Variants in VIT observed in about 807,000 individuals in gnomAD.
The protein encoded by VIT is vitrin.
In VIT, 99 loss-of-function variants were observed where a neutral mutation model predicts 78.0. The ratio of observed to expected loss-of-function variants is 1.27; its 90% confidence interval spans 1.08 to 1.50. The LOEUF is 1.50. Ranked by LOEUF, VIT falls within the 40% of genes most tolerant of loss-of-function variation. The pLI, the probability that VIT is intolerant of heterozygous loss-of-function variation, is 0.00. For synonymous variants in VIT, 374 were observed against 334.3 expected (o/e 1.12, Z -1.29); for missense variants, 1,126 against 875.3 (o/e 1.29, Z -3.61).
intron 2 of VIT, among the ~76,000 whole-genome samples, chr2:36,725,261 C>G (rs1393272583): frequency 1.3e-5 from 2 of 152,162 alleles, no homozygotes; most frequent in Non-Finnish European, 2.9e-5. Flanking sequence ...TAGCTAGTGT[C>G]TTAGTTCATG....
Position 36,760,965 on chromosome 2 carries a change from C to G in VIT, c.487+1919C>G, listed in dbSNP as rs114692152. On this transcript the variant is annotated intron_variant, in intron 6 of 15. Coordinates refer to ENST00000379242, the MANE Select transcript of VIT (RefSeq NM_053276.4). The stretch of plus-strand genomic sequence containing the variant: ...CCACTCCAGCTGCACCCCTCCCCCT[C>G]TCAGAGATCCCTAGGGCAGAAACAG... Among the ~76,000 whole-genome samples the G allele has an allele frequency of 2.6e-3, 400 of 152,226 alleles. 4 individuals are homozygous for G. The highest frequency in any genetic ancestry group is 9.2e-3 in the African/African-American group (381 of 41,532).
intron 3 of VIT, 21 bp downstream of exon 3, chr2:36,729,512 TTGC>T: frequency 1.2e-6 from 2 of 1,602,618 alleles, no homozygotes; most frequent in South Asian, 2.3e-5. Flanking sequence ...TCACAATTCC[TTGC>T]TGGCATAATG....
chr2:36,769,494 GC>G (rs1271713091), intron 7 of VIT, among the ~76,000 whole-genome samples: 1 of 152,158 alleles, frequency 6.6e-6, no homozygotes, highest in Non-Finnish European at 1.5e-5. Flanking sequence ...TCCACAGACT[GC>G]TAGACAAACG....
intron 9 of VIT, among the ~76,000 whole-genome samples, chr2:36,780,027 C>T (rs1664634299): frequency 6.6e-6 from 1 of 152,188 alleles, no homozygotes; most frequent in Non-Finnish European, 1.5e-5. Flanking sequence ...CCACCCTGTT[C>T]CTCCTTGACG....
intron 12 of VIT, among the ~76,000 whole-genome samples, chr2:36,800,252 A>G (rs10198181): frequency 0.76 from 114,851 of 151,924 alleles, 43,668 homozygotes; most frequent in East Asian, 0.99. Context: ...GGTTGAGGCA[A>G]GAGAATTGCT....
In VIT at chr2:36,743,276, T is replaced by A. The variant is rs1290690446; in HGVS notation, c.275+20T>A. 6.4e-7 allele frequency: 1 copy of A among 1,569,492 alleles called. No homozygotes were observed. The highest frequency in any genetic ancestry group is 1.3e-5 in the African/African-American group (1 of 74,306). On this transcript the variant is annotated intron_variant, in intron 4 of 15. Coordinates refer to ENST00000379242, the MANE Select transcript of VIT (RefSeq NM_053276.4). ...ACACAGGTGAGTGGTTCTGAGCTAC[T>A]TAATAACTAACTAGAAATCAGGGTG...
chr2:36,755,545 T>C (rs1441591575), intron 5 of VIT, among the ~76,000 whole-genome samples: 1 of 152,198 alleles, frequency 6.6e-6, no homozygotes, highest in Admixed American at 6.5e-5. Context: ...TATTTTACCA[T>C]ATCTGTCCAT....
intron 12 of VIT, among the ~76,000 whole-genome samples, chr2:36,793,026 C>T (rs958758553): frequency 1.3e-5 from 2 of 152,174 alleles, no homozygotes; most frequent in Non-Finnish European, 2.9e-5. Context: ...TCGGGTTCTA[C>T]AGAGTCAGAC....
chr2:36,763,335 C>A (rs1392506555), intron 6 of VIT, among the ~76,000 whole-genome samples: 1 of 151,942 alleles, frequency 6.6e-6, no homozygotes, highest in Non-Finnish European at 1.5e-5. Flanking sequence ...CCGACCACAC[C>A]CAAATGAGGA....
chr2:36,701,678 G>A (rs921333777), intron 1 of VIT, among the ~76,000 whole-genome samples: 3 of 152,146 alleles, frequency 2.0e-5, no homozygotes, highest in African/African-American at 7.2e-5. Flanking sequence ...CAAGGGATCA[G>A]GTCACTGGCA....
At position 36,775,005 on chromosome 2, in the gene VIT, T is replaced by A; in HGVS notation, c.740T>A (p.Ile247Asn). ...SQNRPRADPG[I>N]QRQDPSGAAF... Reference sequence around the variant, plus strand: ...TGACCCTGTGTAATCCCCTCAGGTATCCAAAGGCAAGATCCTTCAGGAGCT... The same window carrying A: ...TGACCCTGTGTAATCCCCTCAGGTAACCAAAGGCAAGATCCTTCAGGAGCT... Residue 247 changes from isoleucine to asparagine, a missense_variant, in exon 9 of 16, where the codon ATC becomes AAC. Physicochemically the swap from Ile to Asn is moderately radical, Grantham distance 149 (BLOSUM62 -3). Transcript: ENST00000379242. 1 of 1,614,158 alleles carries A rather than the reference T, an allele frequency of 6.2e-7. No homozygotes were observed.
chr2:36,767,816 G>C (rs114185397), intron 7 of VIT, among the ~76,000 whole-genome samples: 1,527 of 152,278 alleles, frequency 0.01, 38 homozygotes, highest in African/African-American at 0.034. Flanking sequence ...GGCCTAAGGA[G>C]CCCATCTGAT....
intron 2 of VIT, among the ~76,000 whole-genome samples, chr2:36,728,204 T>G (rs1451380019): frequency 6.6e-6 from 1 of 152,196 alleles, no homozygotes; most frequent in African/African-American, 2.4e-5. Flanking sequence ...GTGCTGGGAT[T>G]ACAGGCGTGA....
At chr2:36,722,716 A>T (rs1431736676) in intron 2 of VIT, among the ~76,000 whole-genome samples, 1 of 152,182 alleles carries the variant, frequency 6.6e-6, no homozygotes, top group Non-Finnish European at 1.5e-5. Context: ...ACAAATATGC[A>T]GTAAGTACCT....
intron 13 of VIT, among the ~76,000 whole-genome samples, chr2:36,801,891 C>G (rs887065953): frequency 6.6e-6 from 1 of 152,142 alleles, no homozygotes; most frequent in Non-Finnish European, 1.5e-5. Context: ...ACAGTCCCAG[C>G]ATGCTTGGTT....
chr2:36,758,986 G>T lies in VIT; in HGVS notation c.427G>T (p.Gly143Cys), dbSNP rs1396231946. ...FIVLESKPKK[G>C]VTYPSALTYS... The stretch of plus-strand genomic sequence containing the variant: ...TTTTGCAGAAAGTAAACCCAAAAAG[G>T]GTGTAACCTACCCATCAGCTCTTAC... The change falls in exon 6 of 16, where the codon GGT becomes TGT. Residue 143 changes from glycine (G) to cysteine (C), a missense_variant. Transcript: ENST00000379242. 3.1e-6 allele frequency: 5 copies of T among 1,613,848 alleles called. No homozygotes were observed. Among genetic ancestry groups the T allele is most frequent in the African/African-American group, 2.7e-5 (2 of 74,844 alleles).
chr2:36,719,128 C>A (rs1666338999), intron 2 of VIT, among the ~76,000 whole-genome samples: 1 of 152,210 alleles, frequency 6.6e-6, no homozygotes, highest in African/African-American at 2.4e-5. Context: ...TGCCCTTGCC[C>A]TTCTGGCTTG....
intron 2 of VIT, among the ~76,000 whole-genome samples, chr2:36,717,904 G>C (rs543195992): frequency 1.3e-5 from 2 of 152,278 alleles, no homozygotes; most frequent in African/African-American, 2.4e-5. Flanking sequence ...TCTTTCAGAG[G>C]GCTGCAAGGG....
At position 36,792,446 on chromosome 2, in the gene VIT, C is replaced by G. The variant is rs79952241; in HGVS notation, c.1058+5170C>G. 3.7e-3 allele frequency among the ~76,000 whole-genome samples: 559 copies of G among 152,094 alleles called. 2 individuals are homozygous for G. Among genetic ancestry groups the G allele is most frequent in the Non-Finnish European group, 6.4e-3 (435 of 67,898 alleles). On this transcript the variant is annotated intron_variant, in intron 12 of 15. Transcript: ENST00000379242. Reference sequence around the variant, plus strand: ...CATGCAGGGCTCCTGGAGGTACATACAAACGACTGCGCTTGACTTCCACCC... The same window carrying G: ...CATGCAGGGCTCCTGGAGGTACATAGAAACGACTGCGCTTGACTTCCACCC...
Sources: allele counts gnomAD v4.1 joint callset (sites outside exome capture counted in the v4.1 genomes callset), GRCh38; gene constraint gnomAD v4.1.1; transcripts MANE v1.5; gene names NCBI Gene and HGNC (gene_info 2026-07-23, HGNC 2026-07-21).